Variants in MLIP observed in about 807,000 individuals in gnomAD.
MLIP encodes the protein muscular LMNA-interacting protein.
Under a neutral mutation model 84.8 loss-of-function variants are expected in MLIP, and 79 were observed. The observed-to-expected ratio is 0.93, with a 90% CI of 0.78 to 1.12. MLIP has a LOEUF of 1.12. Among genes scored for constraint, MLIP ranks in the 50% most tolerant of loss-of-function variants. The probability of loss-of-function intolerance (pLI) is 0.00; values close to 1 mark genes in which losing one functional copy is unlikely to be tolerated. For missense variants in MLIP, 1,257 were observed against 1,160.6 expected (o/e 1.08, Z -1.21); for synonymous variants, 504 against 463.0 (o/e 1.09, Z -1.14).
upstream of MLIP, among the ~76,000 whole-genome samples, chr6:54,108,917 C>T (rs1769214139): frequency 6.6e-6 from 1 of 151,866 alleles, no homozygotes; most frequent in African/African-American, 2.4e-5. Flanking sequence ...ACTGATTGAC[C>T]ACTGACAAAA....
chr6:54,137,572 G>C lies in MLIP; in HGVS notation c.1503G>C (p.Pro501=). 6.5e-7 allele frequency: 1 copy of C among 1,536,084 alleles called. No homozygotes were observed. ...TGCCTGTTTTCACCAAGTCTACTCC[G>C]CTTTCTCAGGCGCCCTCCCTCTCTC... is the stretch of plus-strand genomic sequence containing the variant. ...FHLPVFTKST[P]LSQAPSLSPT... is the part of the protein sequence containing the mutation. Residue 501 remains proline, a synonymous_variant, in exon 4 of 14, where the codon CCG becomes CCC. Transcript: ENST00000502396.
chr6:54,050,335 C>T (rs192670501), intron 1 of MLIP, among the ~76,000 whole-genome samples: 46 of 152,134 alleles, frequency 3.0e-4, no homozygotes, highest in African/African-American at 1.0e-3. Context: ...ATGACTAATG[C>T]CTTAGTATAT....
chr6:54,234,484 TA>T (rs1004511077), intron 12 of MLIP, among the ~76,000 whole-genome samples: 1 of 152,094 alleles, frequency 6.6e-6, no homozygotes, highest in East Asian at 1.9e-4. Context: ...TGCAGAAGCC[TA>T]AAAAACAAAA....
chr6:54,210,207 C>G (rs529333943), intron 11 of MLIP, among the ~76,000 whole-genome samples: 828 of 152,158 alleles, frequency 5.4e-3, no homozygotes, highest in African/African-American at 0.019. Context: ...GACACAGTTC[C>G]TACATACGTT....
At chr6:54,264,379 C>G (rs1783569385) in intron 13 of MLIP, among the ~76,000 whole-genome samples, 1 of 151,918 alleles carries the variant, frequency 6.6e-6, no homozygotes, top group Admixed American at 6.6e-5. Flanking sequence ...TTGACTAAGA[C>G]AAACTAAGTA....
At chr6:54,240,834 G>T (rs987259553) in intron 12 of MLIP, among the ~76,000 whole-genome samples, 3 of 152,022 alleles carry the variant, frequency 2.0e-5, no homozygotes, top group African/African-American at 7.2e-5. Context: ...AAATGAGCTG[G>T]GCGTGGTGGC....
intron 1 of MLIP, among the ~76,000 whole-genome samples, chr6:54,081,664 C>CG (rs1043508644): frequency 5.3e-5 from 8 of 152,076 alleles, no homozygotes; most frequent in South Asian, 2.1e-4. Context: ...CCACCCGCCC[C>CG]GGCCTCCCAA....
chr6:54,058,855 G>C (rs2150328506), intron 1 of MLIP: 1 of 152,264 alleles, frequency 6.6e-6, no homozygotes, highest in South Asian at 2.1e-4. Flanking sequence ...CAAATATCTA[G>C]AGGAAGATAG....
At chr6:54,190,345 T>C (rs9349699) in intron 10 of MLIP, among the ~76,000 whole-genome samples, 1 of 152,306 alleles carries the variant, frequency 6.6e-6, no homozygotes, top group East Asian at 1.9e-4. Flanking sequence ...AGATCAGTGC[T>C]GAGCAATACA....
intron 12 of MLIP, among the ~76,000 whole-genome samples, chr6:54,235,879 T>C (rs911629226): frequency 3.3e-5 from 5 of 152,218 alleles, no homozygotes; most frequent in Non-Finnish European, 7.3e-5. Context: ...CTTTCTGTTA[T>C]ATAACCATGA....
chr6:54,144,721 C>T (rs1172188160), intron 4 of MLIP, among the ~76,000 whole-genome samples: 1 of 152,126 alleles, frequency 6.6e-6, no homozygotes, highest in South Asian at 2.1e-4. Context: ...GGTTAGGGGC[C>T]CCTGATTTAC....
chr6:54,251,237 T>C (rs1376665867), intron 12 of MLIP, among the ~76,000 whole-genome samples: 1 of 151,476 alleles, frequency 6.6e-6, no homozygotes, highest in African/African-American at 2.4e-5. Context: ...ACTTTACTAT[T>C]CAACCTGTGG....
intron 1 of MLIP, among the ~76,000 whole-genome samples, chr6:54,081,234 C>A (rs1022542598): frequency 6.6e-6 from 1 of 152,108 alleles, no homozygotes; most frequent in African/African-American, 2.4e-5. Context: ...CCCTAAAATA[C>A]CCGCAGGTCT....
chr6:54,087,448 G>C (rs986987193), intron 1 of MLIP, among the ~76,000 whole-genome samples: 1 of 152,060 alleles, frequency 6.6e-6, no homozygotes, highest in African/African-American at 2.4e-5. Context: ...TCAAGAAAAA[G>C]AAATGTTATT....
intron 9 of MLIP, among the ~76,000 whole-genome samples, chr6:54,178,757 C>A (rs957063597): frequency 2.6e-5 from 4 of 152,050 alleles, no homozygotes; most frequent in African/African-American, 7.2e-5. Context: ...AGAGAAGATG[C>A]TTGATATTAT....
chr6:54,212,820 TAC>T (rs1283185597), intron 11 of MLIP, among the ~76,000 whole-genome samples: 4 of 152,362 alleles, frequency 2.6e-5, no homozygotes, highest in Admixed American at 2.6e-4. Flanking sequence ...GATGATTAAA[TAC>T]ACACACATAC....
At chr6:54,158,070 A>G (rs1774221329) in intron 5 of MLIP, among the ~76,000 whole-genome samples, 1 of 152,086 alleles carries the variant, frequency 6.6e-6, no homozygotes, top group South Asian at 2.1e-4. Context: ...CCCATGCCAA[A>G]ATGGCAGTTC....
intron 4 of MLIP, among the ~76,000 whole-genome samples, chr6:54,145,287 G>A (rs929177541): frequency 1.3e-5 from 2 of 152,184 alleles, no homozygotes; most frequent in Non-Finnish European, 2.9e-5. Context: ...AAATGCTTAA[G>A]AGGAGGTGTG....
At chr6:54,204,608 A>G (rs2150722486) in intron 11 of MLIP, among the ~76,000 whole-genome samples, 1 of 152,312 alleles carries the variant, frequency 6.6e-6, no homozygotes, top group African/African-American at 2.4e-5. Flanking sequence ...CTCCTTGTAG[A>G]GTATTGAGTT....
Sources: allele counts gnomAD v4.1 joint callset (sites outside exome capture counted in the v4.1 genomes callset), GRCh38; gene constraint gnomAD v4.1.1; transcripts MANE v1.5; gene names NCBI Gene and HGNC (gene_info 2026-07-23, HGNC 2026-07-21).